CENPP: variants seen among roughly 807,000 people sequenced by gnomAD.
The protein encoded by CENPP is centromere protein P.
A neutral mutation model predicts 35.6 loss-of-function variants in CENPP; 24 were observed. That is an observed-to-expected ratio of 0.67 (90% confidence interval 0.49 to 0.95). The LOEUF (loss-of-function observed/expected upper bound fraction) is 0.95, where lower values mean the gene tolerates loss of function less well. Ranked by LOEUF, CENPP falls within the 40% of genes least tolerant of loss-of-function variation. The pLI, the probability that CENPP is intolerant of heterozygous loss-of-function variation, is 0.00. For synonymous variants in CENPP, 120 were observed against 125.5 expected, an observed-to-expected ratio of 0.96 and a Z score of 0.29; for missense variants, 332 against 345.3, an observed-to-expected ratio of 0.96 and a Z score of 0.31.
chr9:92,349,738 T>C (rs1284040838), intron 4 of CENPP, among the ~76,000 whole-genome samples: 2 of 152,200 alleles, frequency 1.3e-5, no homozygotes, highest in Non-Finnish European at 2.9e-5. Context: ...TAGTGTATAA[T>C]ATAGCATATT....
intron 5 of CENPP, among the ~76,000 whole-genome samples, chr9:92,490,123 C>T (rs1846143143): frequency 6.6e-6 from 1 of 152,176 alleles, no homozygotes; most frequent in South Asian, 2.1e-4. Flanking sequence ...TTATGTCTAC[C>T]CTGTGCCCAG....
At position 92,420,825 on chromosome 9, in the gene CENPP, A is replaced by ATCCG. The variant is rs1273348493; in HGVS notation, c.564+40967_564+40968insCCGT. 9.8e-3 allele frequency among the ~76,000 whole-genome samples: 1,485 copies of ATCCG among 151,632 alleles called. 13 individuals carry two copies. The highest frequency in any genetic ancestry group is 0.017 in the Non-Finnish European group (1,126 of 67,890). The stretch of plus-strand genomic sequence containing the variant: ...CTTTGTGCAACTCTATATTACATCC[A>ATCCG]TTTTTCTTTCTTTTCTGTGAGATTC... On this transcript the variant is annotated intron_variant, in intron 5 of 7. Transcript: ENST00000375587.
At chr9:92,336,185 C>G (rs1840921754) in intron 2 of CENPP, among the ~76,000 whole-genome samples, 1 of 152,112 alleles carries the variant, frequency 6.6e-6, no homozygotes, top group South Asian at 2.1e-4. Context: ...ATAGTTTCCT[C>G]TTGATGACAT....
intron 4 of CENPP, among the ~76,000 whole-genome samples, chr9:92,362,564 C>T (rs1841783705): frequency 6.6e-6 from 1 of 152,190 alleles, no homozygotes; most frequent in Non-Finnish European, 1.5e-5. Flanking sequence ...GTTTTTCACT[C>T]AATGAAACTG....
intron 5 of CENPP, chr9:92,417,484 A>T (rs1206869275): frequency 1.2e-6 from 2 of 1,613,806 alleles, no homozygotes; most frequent in East Asian, 4.5e-5. Flanking sequence ...CATCCCACTG[A>T]TAAGTTTCAT....
intron 5 of CENPP, among the ~76,000 whole-genome samples, chr9:92,442,090 T>A (rs961150841): frequency 2.0e-5 from 3 of 151,872 alleles, no homozygotes; most frequent in Non-Finnish European, 4.4e-5. Flanking sequence ...CATTATAAGT[T>A]AAAATTTAGA....
chr9:92,416,599 C>T (rs1843619938), intron 5 of CENPP: 1 of 1,383,580 alleles, frequency 7.2e-7, no homozygotes, highest in African/African-American at 1.5e-5. Flanking sequence ...CTCTTCAAAA[C>T]ACAATAAAAG....
rs146138029 is a variant in CENPP, at chr9:92,442,424, CA to C, written c.564+62574del. Among the ~76,000 whole-genome samples, 3 of 135,506 alleles carry C rather than the reference CA, an allele frequency of 2.2e-5. 1 individual carries two copies. The highest frequency in any genetic ancestry group is 7.8e-3 in the Middle Eastern group (2 of 258). 88.9% of individuals were successfully genotyped at this position (135,506 alleles called of 152,430 possible). A position where few individuals can be genotyped will look rare whatever the true frequency, so the allele number is the denominator to read the frequency against. ...AAAAAAAAAAAAAAAAAAGAAAAAACAAAAAAAAACCACTCCATTATGATCA... is the reference window on the plus strand; with the variant it reads ...AAAAAAAAAAAAAAAAAAGAAAAAACAAAAAAAACCACTCCATTATGATCA... On this transcript the variant is annotated intron_variant, in intron 5 of 7. Transcript: ENST00000375587.
At chr9:92,568,165 C>T (rs1471119237) in intron 5 of CENPP, among the ~76,000 whole-genome samples, 1 of 150,624 alleles carries the variant, frequency 6.6e-6, no homozygotes, top group Non-Finnish European at 1.5e-5. Flanking sequence ...ATACATGTGC[C>T]ATGTTGGTGT....
At chr9:92,435,007 A>G (rs1844212822) in intron 5 of CENPP, among the ~76,000 whole-genome samples, 1 of 152,170 alleles carries the variant, frequency 6.6e-6, no homozygotes. Flanking sequence ...AGCCAACATC[A>G]TGCCACTGCA....
At chr9:92,413,104 C>A (rs1023230445) in intron 5 of CENPP, among the ~76,000 whole-genome samples, 2 of 150,614 alleles carry the variant, frequency 1.3e-5, no homozygotes. Flanking sequence ...CCTGCCTCAG[C>A]CTCGCAAGTA....
At chr9:92,600,941 C>T (rs912126577) in intron 5 of CENPP, among the ~76,000 whole-genome samples, 4 of 152,164 alleles carry the variant, frequency 2.6e-5, no homozygotes, top group Admixed American at 1.3e-4. Flanking sequence ...CTCTGACTTC[C>T]GTCCCCACAC....
chr9:92,438,799 A>G (rs908975841), intron 5 of CENPP, among the ~76,000 whole-genome samples: 4 of 152,196 alleles, frequency 2.6e-5, no homozygotes, highest in African/African-American at 7.2e-5. Flanking sequence ...CTAAAAATAC[A>G]AAAATTAACC....
chr9:92,369,744 G>A (rs776883952), intron 4 of CENPP, among the ~76,000 whole-genome samples: 5 of 152,156 alleles, frequency 3.3e-5, no homozygotes, highest in Non-Finnish European at 5.9e-5. Flanking sequence ...TAGAGTCTGG[G>A]TTTTTCTAGA....
At chr9:92,521,135 A>G (rs1848043527) in intron 5 of CENPP, among the ~76,000 whole-genome samples, 1 of 152,246 alleles carries the variant, frequency 6.6e-6, no homozygotes, top group Admixed American at 6.5e-5. Context: ...ATCAAAAAGT[A>G]CTGTAAGATC....
chr9:92,407,011 A>G (rs1165103473), intron 5 of CENPP, among the ~76,000 whole-genome samples: 2 of 152,164 alleles, frequency 1.3e-5, no homozygotes, highest in African/African-American at 4.8e-5. Context: ...TTTATATAGA[A>G]AAAGGATACA....
chr9:92,608,497 G>A (rs1331270309), intron 5 of CENPP, among the ~76,000 whole-genome samples: 1 of 152,170 alleles, frequency 6.6e-6, no homozygotes, highest in African/African-American at 2.4e-5. Flanking sequence ...CTGTTGAGAT[G>A]TGCTGACCGT....
chr9:92,411,660 A>G (rs531526052), intron 5 of CENPP, among the ~76,000 whole-genome samples: 1 of 152,228 alleles, frequency 6.6e-6, no homozygotes, highest in South Asian at 2.1e-4. Flanking sequence ...ATTAAAATGT[A>G]TTTTCTTTTA....
At chr9:92,426,476 G>A (rs1263077679) in intron 5 of CENPP, among the ~76,000 whole-genome samples, 1 of 152,158 alleles carries the variant, frequency 6.6e-6, no homozygotes, top group Non-Finnish European at 1.5e-5. Flanking sequence ...AGCAGTGAAA[G>A]TCTCTGTTAT....
Sources: gnomAD v4.1 joint callset for allele counts (sites outside exome capture counted in the v4.1 genomes callset) on GRCh38, gnomAD v4.1.1 for gene constraint, MANE v1.5 for transcripts, NCBI Gene and HGNC (gene_info 2026-07-23, HGNC 2026-07-21) for gene names.